Variants in SPOP observed in about 807,000 individuals in gnomAD.
SPOP encodes the protein speckle-type POZ protein.
SPOP carries 11 observed loss-of-function variants against 45.6 expected under a neutral mutation model. That is an observed-to-expected ratio of 0.24 (90% CI 0.15 to 0.40). The LOEUF (loss-of-function observed/expected upper bound fraction) is 0.40. Among genes scored for constraint, SPOP ranks in the 10% least tolerant of loss-of-function variants. The pLI is 1.00. For missense variants in SPOP, 152 were observed against 465.6 expected, an observed-to-expected ratio of 0.33 and a Z score of 6.20; for synonymous variants, 166 against 166.3, an observed-to-expected ratio of 1.00 and a Z score of 0.01.
chr17:49,627,186 G>T (rs2072352521), intron 1 of SPOP, among the ~76,000 whole-genome samples: 2 of 152,196 alleles, frequency 1.3e-5, no homozygotes, highest in Non-Finnish European at 2.9e-5. Context: ...AATCACAAAT[G>T]AAGCTAACAT....
chr17:49,653,080 G>C (rs980126738), intron 1 of SPOP, among the ~76,000 whole-genome samples: 6 of 152,102 alleles, frequency 3.9e-5, no homozygotes, highest in Non-Finnish European at 8.8e-5. Flanking sequence ...ATACTTTCCT[G>C]AATCTGAATT....
intron 1 of SPOP, among the ~76,000 whole-genome samples, chr17:49,636,969 T>C (rs919676578): frequency 6.6e-6 from 1 of 152,170 alleles, no homozygotes; most frequent in African/African-American, 2.4e-5. Flanking sequence ...AAAATTACCA[T>C]TCTTAGGCCA....
intron 5 of SPOP, among the ~76,000 whole-genome samples, chr17:49,613,346 G>T (rs2072016605): frequency 6.6e-6 from 1 of 152,082 alleles, no homozygotes; most frequent in Non-Finnish European, 1.5e-5. Context: ...GAATCTCCTG[G>T]GATGGCCAAT....
At chr17:49,667,082 G>A (rs1332159872) in intron 1 of SPOP, among the ~76,000 whole-genome samples, 1 of 151,424 alleles carries the variant, frequency 6.6e-6, no homozygotes, top group Non-Finnish European at 1.5e-5. Context: ...GGAGGCAGAG[G>A]CAGGAGAATC....
chr17:49,670,779 A>AAG (rs1207720827), intron 1 of SPOP, among the ~76,000 whole-genome samples: 1 of 152,234 alleles, frequency 6.6e-6, no homozygotes, highest in Non-Finnish European at 1.5e-5. Flanking sequence ...GAGTTAAGAC[A>AAG]GCTAGATATC....
At chr17:49,640,334 G>A (rs1567790238) in intron 1 of SPOP, among the ~76,000 whole-genome samples, 1 of 151,702 alleles carries the variant, frequency 6.6e-6, no homozygotes, top group African/African-American at 2.4e-5. Context: ...TAATATATAA[G>A]TGTGAGTACA....
At chr17:49,606,531 C>A (rs2071853574) in intron 8 of SPOP, among the ~76,000 whole-genome samples, 1 of 121,990 alleles carries the variant, frequency 8.2e-6, no homozygotes, top group Non-Finnish European at 1.6e-5. Context: ...CAGAGTCTTG[C>A]TCTGTTGCCC....
intron 8 of SPOP, chr17:49,602,309 T>A (rs549818593): frequency 4.1e-6 from 1 of 242,486 alleles, no homozygotes; most frequent in East Asian, 8.8e-5. Flanking sequence ...TCCTCCTGAC[T>A]GTGATGAAAG....
chr17:49,665,476 G>A (rs754737218), intron 1 of SPOP, among the ~76,000 whole-genome samples: 7 of 151,752 alleles, frequency 4.6e-5, no homozygotes, highest in African/African-American at 7.3e-5. Context: ...TTAGCCAGGC[G>A]TGGTGGCAGG....
intron 5 of SPOP, among the ~76,000 whole-genome samples, chr17:49,614,568 T>G (rs945040343): frequency 1.3e-5 from 2 of 152,172 alleles, no homozygotes; most frequent in African/African-American, 4.8e-5. Context: ...TTCCAAGTTA[T>G]TGGTCATATT....
At chr17:49,635,677 C>T (rs1169299208) in intron 1 of SPOP, among the ~76,000 whole-genome samples, 4 of 148,976 alleles carry the variant, frequency 2.7e-5, no homozygotes, top group African/African-American at 9.9e-5. Context: ...TTCTGTTGCC[C>T]AGGCTGGAGT....
intron 1 of SPOP, among the ~76,000 whole-genome samples, chr17:49,624,331 G>GCACACACACACA (rs58009760): frequency 2.9e-4 from 43 of 149,306 alleles, no homozygotes; most frequent in African/African-American, 9.7e-4. Flanking sequence ...GCGCGCGCGC[G>GCACACACACACA]CACACACACA....
At chr17:49,616,286 G>A (rs1357999916) in intron 5 of SPOP, among the ~76,000 whole-genome samples, 2 of 152,106 alleles carry the variant, frequency 1.3e-5, no homozygotes, top group African/African-American at 4.8e-5. Context: ...TGTGGCCTCT[G>A]GGAGCACCAG....
chr17:49,622,515 C>A, intron 2 of SPOP: 1 of 576,440 alleles, frequency 1.7e-6, no homozygotes. Flanking sequence ...TTCAAAGATT[C>A]CCCCTTTCAA....
At chr17:49,653,812 TATATA>T (rs1163180237) in intron 1 of SPOP, among the ~76,000 whole-genome samples, 1 of 149,066 alleles carries the variant, frequency 6.7e-6, no homozygotes, top group African/African-American at 2.4e-5. Context: ...ATAATATAAA[TATATA>T]ATATAAATAT....
At chr17:49,611,762 G>C (rs1437715437) in intron 5 of SPOP, among the ~76,000 whole-genome samples, 1 of 152,044 alleles carries the variant, frequency 6.6e-6, no homozygotes, top group South Asian at 2.1e-4. Flanking sequence ...GTGCCAGAGA[G>C]ACAAAACTAA....
chr17:49,643,474 T>C (rs2072696914), intron 1 of SPOP, among the ~76,000 whole-genome samples: 1 of 152,184 alleles, frequency 6.6e-6, no homozygotes, highest in African/African-American at 2.4e-5. Flanking sequence ...AATATCGAGG[T>C]GAAGACATAT....
intron 1 of SPOP, among the ~76,000 whole-genome samples, chr17:49,666,626 G>C (rs962789389): frequency 6.6e-6 from 1 of 152,130 alleles, no homozygotes; most frequent in Admixed American, 6.5e-5. Flanking sequence ...TCAGGAGTTT[G>C]AGTCCAGTCT....
At chr17:49,673,665 C>T (rs573426330) in intron 1 of SPOP, among the ~76,000 whole-genome samples, 4 of 151,994 alleles carry the variant, frequency 2.6e-5, no homozygotes, top group East Asian at 1.9e-4. Context: ...AACCATTATA[C>T]GAAAAAAGAA....
Sources: allele counts gnomAD v4.1 joint callset (sites outside exome capture counted in the v4.1 genomes callset), GRCh38; gene constraint gnomAD v4.1.1; transcripts MANE v1.5; gene names NCBI Gene and HGNC (gene_info 2026-07-23, HGNC 2026-07-21).